The following GCC2 variants were observed in gnomAD, a reference collection of about 807,000 sequenced individuals.
GCC2 encodes GRIP and coiled-coil domain-containing protein 2.
A neutral mutation model predicts 210.6 loss-of-function variants in GCC2; 120 were observed. The ratio of observed to expected loss-of-function variants is 0.57; its 90% CI spans 0.49 to 0.66. The LOEUF is 0.66. GCC2 is among the 30% of genes least tolerant of loss of function. The pLI is 0.00. For missense variants in GCC2, 1,868 were observed against 1,871.9 expected (o/e 1.00, Z 0.04); for synonymous variants, 703 against 652.7 (o/e 1.08, Z -1.17).
intron 19 of GCC2, chr2:108,493,255 A>T: frequency 2.4e-6 from 1 of 414,720 alleles, no homozygotes; most frequent in East Asian, 1.1e-4. Flanking sequence ...AGGCCGGCTA[A>T]TTTTTTGTAT....
chr2:108,456,820 A>G (rs761126306), intron 4 of GCC2, among the ~76,000 whole-genome samples: 11 of 152,166 alleles, frequency 7.2e-5, no homozygotes, highest in Admixed American at 2.0e-4. Flanking sequence ...ATGGTGGAAC[A>G]TGCCTGTAGT....
chr2:108,491,829 G>A (rs1328746802), intron 18 of GCC2, among the ~76,000 whole-genome samples: 1 of 151,088 alleles, frequency 6.6e-6, no homozygotes, highest in Non-Finnish European at 1.5e-5. Context: ...AAAACTACAG[G>A]TAAACCATTA....
Position 108,492,595 on chromosome 2 carries a change from A to G in GCC2, c.4252A>G (p.Asn1418Asp). Residue 1418 changes from asparagine to aspartate, a missense_variant, in exon 19 of 23, where the codon AAC becomes GAC. This residue lies in a region of GCC2 where 1,847 missense variants were observed against 1,765.2 expected (regional missense o/e 1.05). Coordinates refer to ENST00000309863, the MANE Select transcript of GCC2 (RefSeq NM_181453.4). Reference sequence around the variant, plus strand: ...CAGATTGTGTTCAATACAGTCAGAGAACATGATGATGAAATCTGAACATAC... The same window carrying G: ...CAGATTGTGTTCAATACAGTCAGAGGACATGATGATGAAATCTGAACATAC... ...REKLCSIQSE[N>D]MMMKSEHTQT... The G allele has an allele frequency of 6.2e-7, 1 of 1,611,500 alleles. No homozygotes were observed. Among genetic ancestry groups the G allele is most frequent in the Non-Finnish European group, 8.5e-7 (1 of 1,177,572 alleles).
chr2:108,507,404 A>ACCCC (rs1202248272), intron 22 of GCC2, 156 bp from the exon 23 acceptor site: 1 of 318,020 alleles, frequency 3.1e-6, no homozygotes, highest in African/African-American at 3.5e-5. Flanking sequence ...AAAAAAAAAG[A>ACCCC]ACCCCCCCCC....
In GCC2 at chr2:108,470,170, G is replaced by T; in HGVS notation, c.841G>T (p.Val281Leu). The T allele has an allele frequency of 6.2e-7, 1 of 1,613,554 alleles. No individual in the cohort carries two copies. ...NKLNELKENL[V>L]KQCEASEKNI... ...GTTGAACGAGCTAAAAGAGAACTTA[G>T]TAAAACAATGTGAGGCAAGTGAAAA... The change falls in exon 6 of 23, where the codon GTA (valine) becomes TTA (leucine). Residue 281 changes from valine to leucine, a missense_variant. Coordinates refer to ENST00000309863, the MANE Select transcript of GCC2 (RefSeq NM_181453.4).
intron 4 of GCC2, among the ~76,000 whole-genome samples, chr2:108,456,058 C>T (rs1294346797): frequency 6.6e-6 from 1 of 152,148 alleles, no homozygotes; most frequent in South Asian, 2.1e-4. Flanking sequence ...GATCTTGGCT[C>T]ACTGCAAGCT....
intron 4 of GCC2, among the ~76,000 whole-genome samples, chr2:108,465,906 G>A (rs949099367): frequency 6.6e-6 from 1 of 152,124 alleles, no homozygotes; most frequent in African/African-American, 2.4e-5. Context: ...CCAGGCCGGG[G>A]TGCAGTGGCA....
chr2:108,471,173 A>G lies in GCC2; in HGVS notation c.1844A>G (p.Lys615Arg), dbSNP rs753488471. 1 of 1,600,464 alleles carries G rather than the reference A, an allele frequency of 6.2e-7. No individual in the cohort carries two copies. The highest frequency in any genetic ancestry group is 1.1e-5 in the South Asian group (1 of 88,878). The change falls in exon 6 of 23, where the codon AAG (lysine) becomes AGG (arginine). Residue 615 changes from lysine to arginine, a missense_variant. Physicochemically the swap from Lys to Arg is conservative, Grantham distance 26. Coordinates refer to ENST00000309863, the MANE Select transcript of GCC2 (RefSeq NM_181453.4). Reference protein sequence around the residue: ...NSHEEMDNFHKKCEREERLIL... With the variant: ...NSHEEMDNFHRKCEREERLIL... ...CATGAAGAAATGGATAATTTCCATAAGAAATGTGAAAGGGAAGAAAGATTG... is the reference window on the plus strand; with the variant it reads ...CATGAAGAAATGGATAATTTCCATAGGAAATGTGAAAGGGAAGAAAGATTG...
intron 4 of GCC2, among the ~76,000 whole-genome samples, chr2:108,464,495 T>G (rs2104434123): frequency 6.6e-6 from 1 of 152,308 alleles, no homozygotes; most frequent in Middle Eastern, 3.4e-3. Context: ...GAAACTCCCT[T>G]TGTGAGTCTT....
chr2:108,472,087 G>A lies in GCC2; in HGVS notation c.2758G>A (p.Asp920Asn). 1 of 1,559,726 alleles carries A rather than the reference G, an allele frequency of 6.4e-7. No individual in the cohort carries two copies. The highest frequency in any genetic ancestry group is 8.6e-7 in the Non-Finnish European group (1 of 1,161,906). The stretch of plus-strand genomic sequence containing the variant: ...ACTACTAGAACAAAAAGAATTACGA[G>A]ATAGGAGAGCAGAGTTGATACTATT... ...KPLLEQKELR[D>N]RRAELILLKD... The change falls in exon 6 of 23, where the codon GAT becomes AAT. Residue 920 changes from aspartate to asparagine, a missense_variant. By Grantham distance (23) the Asp-to-Asn change is conservative (BLOSUM62 1). Coordinates refer to ENST00000309863, the MANE Select transcript of GCC2 (RefSeq NM_181453.4).
At chr2:108,461,598 C>T (rs898077959) in intron 4 of GCC2, among the ~76,000 whole-genome samples, 3 of 152,000 alleles carry the variant, frequency 2.0e-5, no homozygotes, top group Admixed American at 6.6e-5. Context: ...CTCCACCTCC[C>T]GGGTTCAAGT....
intron 3 of GCC2, among the ~76,000 whole-genome samples, chr2:108,451,509 C>T (rs185974057): frequency 7.2e-5 from 11 of 152,280 alleles, no homozygotes; most frequent in Non-Finnish European, 1.2e-4. Context: ...TAATAAAAGA[C>T]TTCCATTTAC....
intron 21 of GCC2, among the ~76,000 whole-genome samples, chr2:108,497,391 C>CA (rs2104507859): frequency 6.6e-6 from 1 of 152,356 alleles, no homozygotes; most frequent in African/African-American, 2.4e-5. Flanking sequence ...GCTGGTATTA[C>CA]AGGCATGAGC....
At position 108,470,707 on chromosome 2, in the gene GCC2, C is replaced by A; in HGVS notation, c.1378C>A (p.Gln460Lys). The change falls in exon 6 of 23, where the codon CAG becomes AAG. Residue 460 changes from glutamine to lysine, a missense_variant. Gln to Lys is a moderately conservative substitution (Grantham distance 53). Transcript: ENST00000309863. The part of the protein sequence containing the change: ...KEKLTLMFEI[Q>K]GLKEQCENLQ... ...AAAATTAACATTAATGTTTGAAATA[C>A]AGGGTCTTAAGGAACAGTGTGAAAA... 6.2e-7 allele frequency: 1 copy of A among 1,610,740 alleles called. No homozygotes were observed. Among genetic ancestry groups the A allele is most frequent in the Non-Finnish European group, 8.5e-7 (1 of 1,178,472 alleles).
chr2:108,450,530 C>A lies in GCC2; in HGVS notation c.64-498C>A, dbSNP rs570421366. Among the ~76,000 whole-genome samples the A allele has an allele frequency of 3.3e-5, 5 of 152,334 alleles. 1 individual carries two copies. The highest frequency in any genetic ancestry group is 1.2e-4 in the African/African-American group (5 of 41,584). ...TGGTTTTTACGTTTCATAGTAGTTG[C>A]ATAACTAATTTTTAGTAGTTGCATA... On this transcript the variant is annotated intron_variant, in intron 2 of 22. Coordinates refer to ENST00000309863, the MANE Select transcript of GCC2 (RefSeq NM_181453.4).
chr2:108,453,386 A>G (rs558665366), intron 4 of GCC2, among the ~76,000 whole-genome samples: 2 of 152,214 alleles, frequency 1.3e-5, no homozygotes, highest in Non-Finnish European at 2.9e-5. Flanking sequence ...AACACATCAA[A>G]TACTTAACCT....
chr2:108,465,252 C>T (rs765774322), intron 4 of GCC2, among the ~76,000 whole-genome samples: 15 of 152,226 alleles, frequency 9.9e-5, no homozygotes, highest in Non-Finnish European at 1.8e-4. Flanking sequence ...TATCTACTCA[C>T]TATTTTGGTT....
chr2:108,474,420 G>T, intron 7 of GCC2, among the ~76,000 whole-genome samples: 1 of 152,208 alleles, frequency 6.6e-6, no homozygotes, highest in South Asian at 2.1e-4. Context: ...AATAAGATGA[G>T]TACTGAGACC....
At position 108,498,183 on chromosome 2, in the gene GCC2, C is replaced by CTTTTTTTTTTTTTTTTTTTTTTTTTTTT. The variant is rs3084885; in HGVS notation, c.4782+1077_4782+1104dup. 1.0e-4 allele frequency among the ~76,000 whole-genome samples: 6 copies of CTTTTTTTTTTTTTTTTTTTTTTTTTTTT among 57,466 alleles called. 1 individual carries two copies. Among genetic ancestry groups the CTTTTTTTTTTTTTTTTTTTTTTTTTTTT allele is most frequent in the African/African-American group, 1.5e-4 (2 of 13,634 alleles). 37.7% of individuals were successfully genotyped at this position (57,466 alleles called of 152,430 possible). A position where few individuals can be genotyped will look rare whatever the true frequency, so the allele number is the denominator to read the frequency against. ...ATGACTTATTTAAATGTTATATTTT[C>CTTTTTTTTTTTTTTTTTTTTTTTTTTTT]TTTTTTTTTTTTTTTTTTTTTTTTT... is the stretch of plus-strand genomic sequence containing the variant. On this transcript the variant is annotated intron_variant, in intron 21 of 22. Coordinates refer to ENST00000309863, the MANE Select transcript of GCC2 (RefSeq NM_181453.4).
Sources: allele counts gnomAD v4.1 joint callset (sites outside exome capture counted in the v4.1 genomes callset), GRCh38; gene constraint gnomAD v4.1.1; regional missense constraint gnomAD v4.1.1; transcripts MANE v1.5; gene names NCBI Gene and HGNC (gene_info 2026-07-23, HGNC 2026-07-21).